Variants in CAMK2A observed in about 807,000 individuals in gnomAD.
The protein encoded by CAMK2A is calcium/calmodulin-dependent protein kinase type II subunit alpha.
A neutral mutation model predicts 79.2 loss-of-function variants in CAMK2A; 7 were observed. The observed-to-expected ratio is 0.09, with a 90% CI of 0.05 to 0.17. CAMK2A has a LOEUF of 0.17. Among genes scored for constraint, CAMK2A ranks in the 10% least tolerant of loss-of-function variants. CAMK2A has a pLI of 1.00. For missense variants in CAMK2A, 214 were observed against 646.4 expected (o/e 0.33, Z 7.25); for synonymous variants, 242 against 251.7 (o/e 0.96, Z 0.36).
chr5:150,233,343 C>T (rs148307025), intron 15 of CAMK2A, among the ~76,000 whole-genome samples: 248 of 152,332 alleles, frequency 1.6e-3, no homozygotes, highest in Non-Finnish European at 2.1e-3. Context: ...CATTCTCCCA[C>T]ACTACACCCA....
At chr5:150,243,167 C>T (rs1755424054) in intron 13 of CAMK2A, among the ~76,000 whole-genome samples, 1 of 152,194 alleles carries the variant, frequency 6.6e-6, no homozygotes, top group South Asian at 2.1e-4. Flanking sequence ...CTGATGGAGG[C>T]CTCTCCTGAC....
At chr5:150,275,477 G>T (rs1275296306) in intron 1 of CAMK2A, among the ~76,000 whole-genome samples, 2 of 152,160 alleles carry the variant, frequency 1.3e-5, no homozygotes, top group African/African-American at 4.8e-5. Flanking sequence ...GACCCCACAG[G>T]TTAAGGGCTA....
intron 17 of CAMK2A, among the ~76,000 whole-genome samples, chr5:150,227,141 CTAA>C (rs1416815251): frequency 6.6e-6 from 1 of 152,160 alleles, no homozygotes; most frequent in Non-Finnish European, 1.5e-5. Context: ...GAATAAAGTT[CTAA>C]TAATAAGGCC....
intron 2 of CAMK2A, among the ~76,000 whole-genome samples, chr5:150,271,255 A>G (rs569356878): frequency 1.3e-5 from 2 of 152,160 alleles, no homozygotes; most frequent in Admixed American, 6.5e-5. Context: ...GACTTTTCAT[A>G]CTGACTGTAT....
intron 16 of CAMK2A, among the ~76,000 whole-genome samples, chr5:150,229,876 T>C (rs1277420204): frequency 6.6e-6 from 1 of 152,260 alleles, no homozygotes; most frequent in Non-Finnish European, 1.5e-5. Flanking sequence ...TGCACACATG[T>C]GTACAAGTGC....
chr5:150,227,765 G>A lies in CAMK2A; in HGVS notation c.1237+427C>T, dbSNP rs1174720421. 2.6e-5 allele frequency among the ~76,000 whole-genome samples: 4 copies of A among 152,178 alleles called. No homozygotes were observed. The South Asian group carries it at 6.2e-4, about 24-fold the overall frequency. Reference sequence around the variant, plus strand: ...CTGCCCACCCACAGAGGGCACTTGCGTAACAACCCACCAGCCAGCTTGTGA... The same window carrying A: ...CTGCCCACCCACAGAGGGCACTTGCATAACAACCCACCAGCCAGCTTGTGA... On this transcript the variant is annotated intron_variant, in intron 17 of 18. Transcript: ENST00000671881.
chr5:150,235,896 CTCTTT>C, intron 15 of CAMK2A, among the ~76,000 whole-genome samples: 1 of 152,280 alleles, frequency 6.6e-6, no homozygotes, highest in South Asian at 2.1e-4. Context: ...ACAAGGACTC[CTCTTT>C]CCTGCCAAAC....
chr5:150,285,291 C>T (rs1295049231), intron 1 of CAMK2A, among the ~76,000 whole-genome samples: 1 of 152,174 alleles, frequency 6.6e-6, no homozygotes, highest in African/African-American at 2.4e-5. Context: ...AAGCCCTGCC[C>T]AGCTCCTTCA....
At position 150,223,119 on chromosome 5, in the gene CAMK2A, T is replaced by C; in HGVS notation, c.1336A>G (p.Thr446Ala). 6.2e-7 allele frequency: 1 copy of C among 1,614,132 alleles called. No homozygotes were observed. Among genetic ancestry groups the C allele is most frequent in the Non-Finnish European group, 8.5e-7 (1 of 1,180,012 alleles). Reference protein sequence around the residue: ...ESACIAYIRITQYLDAGGIPR... With the variant: ...ESACIAYIRIAQYLDAGGIPR... ...ATGCCGCCAGCGTCCAGGTACTGCG[T>C]GATGCGGATGTAGGCGATGCAGGCT... Residue 446 changes from threonine to alanine, a missense_variant, in exon 18 of 19, where the codon ACG becomes GCG. Around this residue, in one of 4 missense-constraint regions of CAMK2A, gnomAD observed 123 missense variants for 242.4 expected, o/e 0.51. Coordinates refer to ENST00000671881, the MANE Select transcript of CAMK2A (RefSeq NM_015981.4). The surrounding 1 kb of genome is among the most constrained non-coding windows in gnomAD (Gnocchi z 4.1).
chr5:150,238,308 C>T (rs1755174713), intron 15 of CAMK2A: 2 of 186,122 alleles, frequency 1.1e-5, no homozygotes, highest in Admixed American at 5.9e-5. Flanking sequence ...AAAAATTAGC[C>T]AGGTGTGGTG....
intron 8 of CAMK2A, 24 bp downstream of exon 8, chr5:150,251,958 A>C: frequency 1.2e-6 from 2 of 1,608,638 alleles, no homozygotes; most frequent in Non-Finnish European, 1.7e-6. Context: ...CCAGGGGCAC[A>C]AAAGGGCCTT....
At chr5:150,265,553 C>G (rs1244362381) in intron 2 of CAMK2A, among the ~76,000 whole-genome samples, 3 of 152,162 alleles carry the variant, frequency 2.0e-5, no homozygotes, top group African/African-American at 7.2e-5. Flanking sequence ...CCCACTCAGT[C>G]TCATGGATAT....
intron 1 of CAMK2A, among the ~76,000 whole-genome samples, chr5:150,278,709 A>AG (rs1343586497): frequency 6.7e-6 from 1 of 149,780 alleles, no homozygotes; most frequent in East Asian, 2.0e-4. Flanking sequence ...CGAGGGGTGT[A>AG]GGGGAATGCC....
chr5:150,289,888 C>A (rs1292281048), upstream of CAMK2A: 1 of 517,334 alleles, frequency 1.9e-6, no homozygotes, highest in Non-Finnish European at 3.5e-6. Flanking sequence ...GCCTCCCCAA[C>A]ACCTGCCTGC....
rs912421427 is a variant in CAMK2A, at chr5:150,256,048, G to C, written c.411+525C>G. 1.3e-5 allele frequency among the ~76,000 whole-genome samples: 2 copies of C among 152,196 alleles called. No homozygotes were observed. Among genetic ancestry groups the C allele is most frequent in the South Asian group, 4.1e-4 (2 of 4,832 alleles). ...CAGGTAAAAGAAAGGAGAACTGCAC[G>C]GGCCTAGAGTCTGGTTTTTCTTCTC... On this transcript the variant is annotated intron_variant, in intron 6 of 18. Coordinates refer to ENST00000671881, the MANE Select transcript of CAMK2A (RefSeq NM_015981.4). The surrounding 1 kb of genome is among the most constrained non-coding windows in gnomAD (Gnocchi z 4.6).
At chr5:150,272,721 C>T (rs768420539) in intron 2 of CAMK2A, among the ~76,000 whole-genome samples, 6 of 151,714 alleles carry the variant, frequency 4.0e-5, no homozygotes, top group Admixed American at 6.6e-5. Flanking sequence ...CAGGAGATGG[C>T]GTTCAGGCAG....
intron 3 of CAMK2A, among the ~76,000 whole-genome samples, chr5:150,260,837 G>A (rs376344225): frequency 6.6e-6 from 1 of 152,190 alleles, no homozygotes; most frequent in Non-Finnish European, 1.5e-5. Flanking sequence ...TTTTGCAAAA[G>A]ACTCTTCCCT....
intron 11 of CAMK2A, 106 bp downstream of exon 11, chr5:150,250,120 T>A (rs4958452): frequency 1.2e-6 from 1 of 835,310 alleles, no homozygotes; most frequent in South Asian, 1.5e-5. Flanking sequence ...TAAATGCTTA[T>A]TGAATCAATG....
At chr5:150,224,245 T>C (rs2114013615) in intron 17 of CAMK2A, among the ~76,000 whole-genome samples, 1 of 152,208 alleles carries the variant, frequency 6.6e-6, no homozygotes, top group South Asian at 2.1e-4. Context: ...CAGGGAGGGG[T>C]TGGACAGTGG....
Sources: allele counts gnomAD v4.1 joint callset (sites outside exome capture counted in the v4.1 genomes callset), GRCh38; gene constraint gnomAD v4.1.1; regional missense constraint gnomAD v4.1.1; non-coding constraint Gnocchi (gnomAD v3.1); transcripts MANE v1.5; gene names NCBI Gene and HGNC (gene_info 2026-07-23, HGNC 2026-07-21).